KCNH7: variants seen among roughly 807,000 people sequenced by gnomAD.
KCNH7 encodes the protein voltage-gated inwardly rectifying potassium channel KCNH7.
In KCNH7, 49 loss-of-function variants were observed where a neutral mutation model predicts 120.8. The observed-to-expected ratio is 0.41, with a 90% confidence interval of 0.32 to 0.51. The LOEUF (loss-of-function observed/expected upper bound fraction) is 0.51. Ranked by LOEUF, KCNH7 falls within the 20% of genes least tolerant of loss-of-function variation. The pLI, the probability that KCNH7 is intolerant of heterozygous loss-of-function variation, is 0.38. For missense variants in KCNH7, 1,097 were observed against 1,446.6 expected, an observed-to-expected ratio of 0.76 and a Z score of 3.92; for synonymous variants, 547 against 516.1, an observed-to-expected ratio of 1.06 and a Z score of -0.81.
chr2:162,402,204 G>T (rs1558927422), intron 9 of KCNH7, among the ~76,000 whole-genome samples: 1 of 150,804 alleles, frequency 6.6e-6, no homozygotes, highest in Non-Finnish European at 1.5e-5. Context: ...CTGCCTCCAG[G>T]TCCTGGAGGC....
chr2:162,771,502 G>A (rs1056433092), intron 2 of KCNH7, among the ~76,000 whole-genome samples: 1 of 151,866 alleles, frequency 6.6e-6, no homozygotes, highest in African/African-American at 2.4e-5. Flanking sequence ...TTTCTCTGAA[G>A]TTTACATTTG....
At chr2:162,478,999 T>C (rs73020623) in intron 6 of KCNH7, among the ~76,000 whole-genome samples, 9,183 of 152,150 alleles carry the variant, frequency 0.06, 293 homozygotes, top group African/African-American at 0.073. Flanking sequence ...CGGGCAATTT[T>C]TATTTTAAAG....
At chr2:162,470,633 C>T (rs551561964) in intron 6 of KCNH7, among the ~76,000 whole-genome samples, 5 of 150,516 alleles carry the variant, frequency 3.3e-5, no homozygotes, top group Admixed American at 6.6e-5. Context: ...GGGGGGTCAG[C>T]CCCCCGCCCG....
intron 6 of KCNH7, among the ~76,000 whole-genome samples, chr2:162,484,794 C>G (rs1690038812): frequency 6.6e-6 from 1 of 152,080 alleles, no homozygotes; most frequent in Non-Finnish European, 1.5e-5. Context: ...TTAAAAAGAT[C>G]CTGGCACCTC....
At chr2:162,634,808 T>A (rs1683898431) in intron 2 of KCNH7, among the ~76,000 whole-genome samples, 1 of 152,042 alleles carries the variant, frequency 6.6e-6, no homozygotes, top group Admixed American at 6.6e-5. Context: ...ACTTGAAATA[T>A]AAGACTATTT....
intron 2 of KCNH7, among the ~76,000 whole-genome samples, chr2:162,824,469 G>C (rs1168833167): frequency 6.6e-6 from 1 of 151,986 alleles, no homozygotes; most frequent in Non-Finnish European, 1.5e-5. Flanking sequence ...ACTGAGCCTT[G>C]GTTAAGTGAC....
chr2:162,641,971 G>A (rs1684172709), intron 2 of KCNH7, among the ~76,000 whole-genome samples: 1 of 152,042 alleles, frequency 6.6e-6, no homozygotes, highest in Admixed American at 6.6e-5. Context: ...AGTTTCAATG[G>A]AGCCCCAATG....
chr2:162,756,221 C>T (rs1055006246), intron 2 of KCNH7, among the ~76,000 whole-genome samples: 4 of 151,970 alleles, frequency 2.6e-5, no homozygotes, highest in Non-Finnish European at 5.9e-5. Flanking sequence ...ATGAGCTAAA[C>T]CAGAGGTCAA....
At chr2:162,435,643 C>G in intron 7 of KCNH7, 46 bp from the exon 8 acceptor site, 1 of 1,521,488 alleles carries the variant, frequency 6.6e-7, no homozygotes, top group Non-Finnish European at 8.8e-7. Context: ...GCAAACAATT[C>G]AAAGTACATT....
At chr2:162,705,212 T>C (rs1686654926) in intron 2 of KCNH7, among the ~76,000 whole-genome samples, 1 of 152,164 alleles carries the variant, frequency 6.6e-6, no homozygotes, top group South Asian at 2.1e-4. Flanking sequence ...CATTGCATAT[T>C]CTGTCATGGG....
At chr2:162,500,830 A>G (rs1195329321) in intron 6 of KCNH7, among the ~76,000 whole-genome samples, 2 of 152,106 alleles carry the variant, frequency 1.3e-5, no homozygotes, top group African/African-American at 4.8e-5. Flanking sequence ...GCAGGCCTAA[A>G]GAAAATAAAA....
chr2:162,579,132 T>C (rs16846953), intron 2 of KCNH7, among the ~76,000 whole-genome samples: 1 of 151,904 alleles, frequency 6.6e-6, no homozygotes, highest in East Asian at 2.0e-4. Flanking sequence ...TTGAGTCATA[T>C]AAATAATTTG....
At chr2:162,609,545 C>T (rs1682891258) in intron 2 of KCNH7, among the ~76,000 whole-genome samples, 1 of 152,026 alleles carries the variant, frequency 6.6e-6, no homozygotes, top group African/African-American at 2.4e-5. Flanking sequence ...TTAGTCTAAC[C>T]TTTTTATTGA....
At chr2:162,550,368 C>G (rs1459966903) in intron 2 of KCNH7, among the ~76,000 whole-genome samples, 1 of 152,124 alleles carries the variant, frequency 6.6e-6, no homozygotes, top group African/African-American at 2.4e-5. Flanking sequence ...TCCTTATTTT[C>G]CTGGCTTCTT....
intron 2 of KCNH7, among the ~76,000 whole-genome samples, chr2:162,685,433 A>G (rs1288039135): frequency 2.6e-5 from 4 of 152,122 alleles, no homozygotes; most frequent in South Asian, 2.1e-4. Flanking sequence ...TTGGTATAGT[A>G]CAAGGTAATA....
chr2:162,418,097 T>C (rs191365740), intron 9 of KCNH7, among the ~76,000 whole-genome samples: 20 of 152,284 alleles, frequency 1.3e-4, no homozygotes, highest in African/African-American at 4.3e-4. Flanking sequence ...AGCCAGGCAA[T>C]TCCTATCAAC....
At chr2:162,774,808 C>G (rs981655817) in intron 2 of KCNH7, among the ~76,000 whole-genome samples, 1 of 152,054 alleles carries the variant, frequency 6.6e-6, no homozygotes, top group African/African-American at 2.4e-5. Context: ...CCTTTGTTTA[C>G]GAATGTGTAT....
At chr2:162,799,204 AC>A (rs1216677296) in intron 2 of KCNH7, among the ~76,000 whole-genome samples, 15 of 151,978 alleles carry the variant, frequency 9.9e-5, no homozygotes, top group African/African-American at 2.7e-4. Context: ...GGCCCTTTCT[AC>A]ATTTTCCTTA....
chr2:162,372,849 G>C (rs946513391), intron 15 of KCNH7, among the ~76,000 whole-genome samples: 1 of 152,016 alleles, frequency 6.6e-6, no homozygotes. Context: ...TAATTCAAAA[G>C]GACCCCTTTG....
Sources: gnomAD v4.1 joint callset for allele counts (sites outside exome capture counted in the v4.1 genomes callset) on GRCh38, gnomAD v4.1.1 for gene constraint, MANE v1.5 for transcripts, NCBI Gene and HGNC (gene_info 2026-07-23, HGNC 2026-07-21) for gene names.